OTUD7A: variants seen among roughly 807,000 people sequenced by gnomAD.
The protein encoded by OTUD7A is OTU deubiquitinase 7A.
OTUD7A carries 12 observed loss-of-function variants against 65.7 expected under a neutral mutation model. That is an observed-to-expected ratio of 0.18 (90% CI 0.12 to 0.30). OTUD7A has a LOEUF of 0.30. OTUD7A is among the 10% of genes least tolerant of loss of function. The probability of loss-of-function intolerance (pLI) is 1.00; values close to 1 mark genes in which losing one functional copy is unlikely to be tolerated. For synonymous variants in OTUD7A, 641 were observed against 586.3 expected (o/e 1.09, Z -1.35); for missense variants, 1,148 against 1,304.8 (o/e 0.88, Z 1.85).
chr15:31,643,491 A>G (rs529370275), intron 3 of OTUD7A, among the ~76,000 whole-genome samples: 3 of 152,316 alleles, frequency 2.0e-5, no homozygotes, highest in African/African-American at 7.2e-5. Flanking sequence ...AGTATCTTCC[A>G]TAACTTTACT....
intron 5 of OTUD7A, among the ~76,000 whole-genome samples, chr15:31,548,155 T>C (rs1297055488): frequency 6.7e-6 from 1 of 148,798 alleles, no homozygotes; most frequent in Non-Finnish European, 1.5e-5. Context: ...GAGTGTTAAA[T>C]GTAAAGCTTG....
chr15:31,588,254 G>A (rs1007446055), intron 3 of OTUD7A, among the ~76,000 whole-genome samples: 2 of 152,190 alleles, frequency 1.3e-5, no homozygotes, highest in African/African-American at 4.8e-5. Flanking sequence ...TCTTGTTGTA[G>A]GAAAGGAGAA....
chr15:31,667,487 T>C (rs188431652), intron 1 of OTUD7A, among the ~76,000 whole-genome samples: 1 of 152,316 alleles, frequency 6.6e-6, no homozygotes, highest in African/African-American at 2.4e-5. Flanking sequence ...AAATGCCTTT[T>C]TCCACCCCTT....
At chr15:31,818,552 G>A (rs1018139449) in intron 1 of OTUD7A, among the ~76,000 whole-genome samples, 3 of 152,176 alleles carry the variant, frequency 2.0e-5, no homozygotes, top group Non-Finnish European at 2.9e-5. Flanking sequence ...GACTGATAAA[G>A]AGTGGGCAGA....
intron 8 of OTUD7A, among the ~76,000 whole-genome samples, chr15:31,514,003 T>C (rs2041803028): frequency 6.6e-6 from 1 of 152,142 alleles, no homozygotes. Context: ...GCTGGATCTG[T>C]GTCCTTTTGA....
intron 1 of OTUD7A, among the ~76,000 whole-genome samples, chr15:31,753,721 T>TATATATTA (rs879561188): frequency 8.4e-5 from 9 of 106,752 alleles, no homozygotes; most frequent in African/African-American, 4.0e-4. Context: ...TATATATATA[T>TATATATTA]TATATATATA....
At chr15:31,633,930 T>C (rs1280397082) in intron 3 of OTUD7A, among the ~76,000 whole-genome samples, 31 of 152,178 alleles carry the variant, frequency 2.0e-4, no homozygotes, top group Admixed American at 2.0e-3. Flanking sequence ...TGGTATTTCA[T>C]AGGTTTTGTT....
At chr15:31,503,643 C>G (rs756541339) in intron 9 of OTUD7A, 48 bp downstream of exon 9, 23 of 1,612,400 alleles carry the variant, frequency 1.4e-5, no homozygotes, top group Non-Finnish European at 1.8e-5. Context: ...AGCTGGGATG[C>G]TATGCTTTCT....
rs181406737 is a variant in OTUD7A, at chr15:31,534,927, A to G, written c.551-4119T>C. On this transcript the variant is annotated intron_variant, in intron 5 of 12. Transcript: ENST00000307050. Reference sequence around the variant, plus strand: ...TTTGATCCTCACTTGGTTGAAAAAAATCCACATATAAGTGGAAGTGGACCT... The same window carrying G: ...TTTGATCCTCACTTGGTTGAAAAAAGTCCACATATAAGTGGAAGTGGACCT... 5.3e-5 allele frequency among the ~76,000 whole-genome samples: 8 copies of G among 152,298 alleles called. No homozygotes were observed. The East Asian group carries it at 1.5e-3, about 29-fold the overall frequency.
At chr15:31,767,777 C>T (rs915124535) in intron 1 of OTUD7A, 24 of 713,488 alleles carry the variant, frequency 3.4e-5, no homozygotes, top group Non-Finnish European at 5.0e-5. Context: ...AGCAGTTCTA[C>T]GAGATAAGTT....
Position 31,817,697 on chromosome 15 carries a change from C to T in OTUD7A, c.-100+52810G>A, listed in dbSNP as rs113986524. ...ACTAAGGTGATGTCCTGTGTCACCT[C>T]TCAGGCCAAGGGCCAGCAGAGCCTG... On this transcript the variant is annotated intron_variant, in intron 1 of 12. Transcript: ENST00000307050. 4.6e-3 allele frequency among the ~76,000 whole-genome samples: 698 copies of T among 152,288 alleles called. 1 individual carries two copies. Among genetic ancestry groups the T allele is most frequent in the Non-Finnish European group, 7.1e-3 (481 of 68,036 alleles).
intron 2 of OTUD7A, among the ~76,000 whole-genome samples, chr15:31,656,723 C>A (rs1327382186): frequency 6.6e-6 from 1 of 151,962 alleles, no homozygotes; most frequent in East Asian, 1.9e-4. Flanking sequence ...TGCTTTAGAG[C>A]CAGGCACATA....
At chr15:31,587,037 C>T (rs528014058) in intron 3 of OTUD7A, among the ~76,000 whole-genome samples, 8 of 152,238 alleles carry the variant, frequency 5.3e-5, no homozygotes, top group Admixed American at 5.2e-4. Context: ...ACATCCAGCT[C>T]CTGACTCAAC....
At chr15:31,670,720 G>A (rs576781169) in intron 1 of OTUD7A, among the ~76,000 whole-genome samples, 7 of 152,214 alleles carry the variant, frequency 4.6e-5, no homozygotes, top group South Asian at 2.1e-4. Context: ...GGCCGGGCGC[G>A]GTGGCTCACG....
At chr15:31,765,800 T>C in intron 1 of OTUD7A, 6 of 1,378,456 alleles carry the variant, frequency 4.4e-6, no homozygotes, top group Admixed American at 3.4e-5. Flanking sequence ...GTTGCTTGAT[T>C]GTAGGTTTGT....
intron 5 of OTUD7A, chr15:31,556,572 T>C (rs561509907): frequency 2.4e-4 from 36 of 152,218 alleles, no homozygotes; most frequent in African/African-American, 8.7e-4. Context: ...AGAAAAGACG[T>C]TCAAAAGAAG....
At chr15:31,496,490 G>T (rs1184165648) in intron 10 of OTUD7A, among the ~76,000 whole-genome samples, 2 of 152,132 alleles carry the variant, frequency 1.3e-5, no homozygotes, top group African/African-American at 4.8e-5. Flanking sequence ...CCAATGTGCT[G>T]GGATTACAGG....
chr15:31,515,907 T>C (rs979581938), intron 8 of OTUD7A, among the ~76,000 whole-genome samples: 4 of 136,284 alleles, frequency 2.9e-5, no homozygotes, highest in African/African-American at 5.4e-5. Context: ...CCCATCCACC[T>C]GTCCATCCAC....
At chr15:31,766,802 G>A (rs893852014) in intron 1 of OTUD7A, 6 of 1,612,550 alleles carry the variant, frequency 3.7e-6, no homozygotes, top group Non-Finnish European at 5.1e-6. Flanking sequence ...TCCTGTTTGG[G>A]CTTAGACTCT....
Sources: allele counts gnomAD v4.1 joint callset (sites outside exome capture counted in the v4.1 genomes callset), GRCh38; gene constraint gnomAD v4.1.1; transcripts MANE v1.5; gene names NCBI Gene and HGNC (gene_info 2026-07-23, HGNC 2026-07-21).